CPSF4L: variants seen among roughly 807,000 people sequenced by gnomAD.
The protein encoded by CPSF4L is putative cleavage and polyadenylation specificity factor subunit 4-like protein.
In CPSF4L, 18 loss-of-function variants were observed where a neutral mutation model predicts 24.0. That is an observed-to-expected ratio of 0.75 (90% CI 0.52 to 1.11). CPSF4L has a LOEUF of 1.11. CPSF4L is among the 50% of genes least tolerant of loss of function. The probability of loss-of-function intolerance (pLI) is 0.00; values close to 1 mark genes in which losing one functional copy is unlikely to be tolerated. For missense variants in CPSF4L, 211 were observed against 221.8 expected, an observed-to-expected ratio of 0.95 and a Z score of 0.31; for synonymous variants, 72 against 77.2, an observed-to-expected ratio of 0.93 and a Z score of 0.35.
At chr17:73,255,456 G>A (rs796506560) in intron 3 of CPSF4L, among the ~76,000 whole-genome samples, 45 of 149,938 alleles carry the variant, frequency 3.0e-4, no homozygotes, top group African/African-American at 9.3e-4. Flanking sequence ...GCAGTGAGTC[G>A]AGATTGTGCC....
chr17:73,242,436 A>T, the CPSF4L span: 2 of 855,548 alleles, frequency 2.3e-6, no homozygotes, highest in South Asian at 3.7e-5. Context: ...AGCAAGGCTA[A>T]AGAGGAGAGG....
At chr17:73,261,672 A>G (rs1476554822) in intron 1 of CPSF4L, 44 bp downstream of exon 1, 7 of 1,337,636 alleles carry the variant, frequency 5.2e-6, no homozygotes, top group South Asian at 1.3e-5. Flanking sequence ...AAGAAAAAAA[A>G]ACAGAGAAGG....
intron 4 of CPSF4L, 45 bp downstream of exon 4, chr17:73,253,886 C>A (rs374105252): frequency 6.5e-6 from 9 of 1,389,086 alleles, no homozygotes; most frequent in Non-Finnish European, 9.0e-6. Context: ...AGCTCCCACC[C>A]TGATCCCCAC....
intron 5 of CPSF4L, among the ~76,000 whole-genome samples, chr17:73,252,131 G>A (rs781637381): frequency 6.6e-6 from 1 of 152,216 alleles, no homozygotes; most frequent in African/African-American, 2.4e-5. Context: ...GAGGGATGAC[G>A]GCACGTGCCT....
chr17:73,257,600 C>T (rs931311124), intron 3 of CPSF4L, 81 bp downstream of exon 3: 6 of 1,441,526 alleles, frequency 4.2e-6, no homozygotes, highest in South Asian at 1.3e-5. Context: ...TCTGCGTGCC[C>T]GCTCCTCTAG....
downstream of CPSF4L, among the ~76,000 whole-genome samples, chr17:73,243,857 C>G (rs370107121): frequency 2.0e-5 from 3 of 152,220 alleles, no homozygotes; most frequent in African/African-American, 7.2e-5. Context: ...CCCTTCCCTG[C>G]TAAAAGGTCA....
At chr17:73,258,410 A>G (rs1370839323) in intron 2 of CPSF4L, among the ~76,000 whole-genome samples, 2 of 151,840 alleles carry the variant, frequency 1.3e-5, no homozygotes, top group African/African-American at 4.8e-5. Flanking sequence ...GGTTCAAGTG[A>G]TCCTCCTGCC....
intron 1 of CPSF4L, 24 bp from the exon 2 acceptor site, chr17:73,261,007 G>C (rs2062042925): frequency 1.9e-6 from 3 of 1,545,748 alleles, no homozygotes; most frequent in Admixed American, 3.9e-5. Flanking sequence ...AGGGAACGGA[G>C]AAGGTAGCTT....
At chr17:73,258,659 C>T (rs1346788630) in intron 2 of CPSF4L, among the ~76,000 whole-genome samples, 1 of 152,130 alleles carries the variant, frequency 6.6e-6, no homozygotes, top group Non-Finnish European at 1.5e-5. Context: ...GCCCATCCTT[C>T]CCATCTGCCT....
At chr17:73,259,221 G>A (rs1162373512) in intron 2 of CPSF4L, among the ~76,000 whole-genome samples, 1 of 151,874 alleles carries the variant, frequency 6.6e-6, no homozygotes, top group Non-Finnish European at 1.5e-5. Context: ...TTTATTTTTT[G>A]TAGAGACAGG....
Position 73,257,698 on chromosome 17 carries a change from T to C in CPSF4L, c.290A>G (p.Tyr97Cys). 1.3e-6 allele frequency: 2 copies of C among 1,551,570 alleles called. No individual in the cohort carries two copies. Among genetic ancestry groups the C allele is most frequent in the Non-Finnish European group, 1.7e-6 (2 of 1,146,966 alleles). ...QYDLTRMPECYFYSKFGDCSN... is the reference protein window; with the variant it reads ...QYDLTRMPECCFYSKFGDCSN... ...GGCCTTACCAAACTTGGAGTAGAAG[T>C]AGCACTCAGGCATCCTGGTGAGGTC... The change falls in exon 3 of 6, where the codon TAC becomes TGC. Residue 97 changes from tyrosine to cysteine, a missense_variant. Physicochemically the swap from Tyr to Cys is radical, Grantham distance 194 (BLOSUM62 -2). Coordinates refer to ENST00000344935, the MANE Select transcript of CPSF4L (RefSeq NM_001129885.1).
rs138567790 is a variant in CPSF4L at position 73,250,082 on chromosome 17, G to A, written c.498-1546C>T. 2.7e-4 allele frequency: 147 copies of A among 547,538 alleles called. 1 individual carries two copies. Among genetic ancestry groups the A allele is most frequent in the African/African-American group, 2.3e-3 (120 of 51,306 alleles). The allele number at this position is 547,538 out of a possible 1,614,324, so 33.9% of individuals were successfully genotyped here. A position where few individuals can be genotyped will look rare whatever the true frequency, so the allele number is the denominator to read the frequency against. On this transcript the variant is annotated intron_variant, in intron 5 of 5. Transcript: ENST00000344935. ...AAACCTGTTGTATTTTTAGTAGCTC[G>A]TTCACTTACAGGATCAAAAGAAATA...
intron 5 of CPSF4L, among the ~76,000 whole-genome samples, chr17:73,250,483 C>T (rs571993346): frequency 1.3e-5 from 2 of 152,288 alleles, no homozygotes; most frequent in African/African-American, 2.4e-5. Context: ...GAGGCTGGCA[C>T]ATAAAAGCAA....
chr17:73,259,359 A>AC (rs2145283125), intron 2 of CPSF4L, among the ~76,000 whole-genome samples: 1 of 151,550 alleles, frequency 6.6e-6, no homozygotes, highest in South Asian at 2.1e-4. Flanking sequence ...TTTTTTAAAA[A>AC]AAAAAAATTA....
At chr17:73,262,995 G>A (rs889967942), upstream of CPSF4L, among the ~76,000 whole-genome samples, 8 of 152,316 alleles carry the variant, frequency 5.3e-5, no homozygotes, top group African/African-American at 1.9e-4. Context: ...ACTGGGAGGA[G>A]CAGGGACGAG....
chr17:73,245,311 A>G (rs1206230960), downstream of CPSF4L: 1 of 1,420,938 alleles, frequency 7.0e-7, no homozygotes, highest in African/African-American at 1.5e-5. Flanking sequence ...GGGGAGTGAA[A>G]AAAATAAAGA....
chr17:73,249,990 G>A (rs140766369), intron 5 of CPSF4L: 59 of 367,730 alleles, frequency 1.6e-4, no homozygotes, highest in African/African-American at 9.4e-4. Context: ...CCATAGACTC[G>A]AGCTTTTGGT....
intron 5 of CPSF4L, chr17:73,250,845 C>T: frequency 1.5e-6 from 1 of 661,428 alleles, no homozygotes; most frequent in African/African-American, 1.8e-5. Context: ...ACAGTATCCT[C>T]TCATTCTCCC....
At chr17:73,255,657 G>A (rs1382419243) in intron 3 of CPSF4L, among the ~76,000 whole-genome samples, 3 of 152,088 alleles carry the variant, frequency 2.0e-5, no homozygotes, top group South Asian at 2.1e-4. Context: ...GCTTCCTCAC[G>A]TTCATGAAGG....
Sources: allele counts gnomAD v4.1 joint callset (sites outside exome capture counted in the v4.1 genomes callset), GRCh38; gene constraint gnomAD v4.1.1; transcripts MANE v1.5; gene names NCBI Gene and HGNC (gene_info 2026-07-23, HGNC 2026-07-21).